The following ITGA6 variants were observed in gnomAD, a reference collection of about 807,000 sequenced individuals.
The protein encoded by ITGA6 is integrin alpha-6.
ITGA6 carries 63 observed loss-of-function variants against 133.6 expected under a neutral mutation model. That is an observed-to-expected ratio of 0.47 (90% CI 0.38 to 0.58). The LOEUF is 0.58. ITGA6 is among the 20% of genes least tolerant of loss of function. The probability of loss-of-function intolerance (pLI) is 0.00; values close to 1 mark genes in which losing one functional copy is unlikely to be tolerated. For synonymous variants in ITGA6, 434 were observed against 482.0 expected, an observed-to-expected ratio of 0.90 and a Z score of 1.30; for missense variants, 1,068 against 1,309.4, an observed-to-expected ratio of 0.82 and a Z score of 2.85.
At chr2:172,481,860 A>G (rs771352355) in intron 11 of ITGA6, among the ~76,000 whole-genome samples, 10 of 152,210 alleles carry the variant, frequency 6.6e-5, no homozygotes, top group Non-Finnish European at 1.5e-4. Flanking sequence ...AGGATCTATC[A>G]TCCTTTCAGT....
Position 172,487,137 on chromosome 2 carries a change from A to G in ITGA6, c.1969A>G (p.Ile657Val), listed in dbSNP as rs368015396. 64 of 1,581,882 alleles carry G rather than the reference A, an allele frequency of 4.0e-5. No homozygotes were observed. Among genetic ancestry groups the G allele is most frequent in the Non-Finnish European group, 5.0e-5 (58 of 1,150,880 alleles). Residue 657 changes from isoleucine (I) to valine (V), a missense_variant and splice_region_variant, in exon 14 of 26, where the codon ATT becomes GTT. Ile to Val is a conservative substitution (Grantham distance 29, BLOSUM62 3). Around this residue, in one of 3 missense-constraint regions of ITGA6, gnomAD observed 609 missense variants for 707.2 expected, o/e 0.86. Transcript: ENST00000684293. ...GNQDKFSYLP[I>V]QKGVPELVLK... ...TCAAGACAAATTTTCTTATTTACCAATGTAAGAATCGTTGTGTAGCACTAG... is the reference window on the plus strand; with the variant it reads ...TCAAGACAAATTTTCTTATTTACCAGTGTAAGAATCGTTGTGTAGCACTAG...
chr2:172,504,302 A>T lies in ITGA6; in HGVS notation c.*234A>T. 7.2e-7 allele frequency: 1 copy of T among 1,387,122 alleles called. No individual in the cohort carries two copies. Among genetic ancestry groups the T allele is most frequent in the Non-Finnish European group, 9.7e-7 (1 of 1,025,952 alleles). 85.9% of individuals were successfully genotyped at this position (1,387,122 alleles called of 1,614,324 possible). A position where few individuals can be genotyped will look rare whatever the true frequency, so the allele number is the denominator to read the frequency against. ...CACAGTACCCAAACTGCTTTTTCCA[A>T]CTCAGAAATTCAATTTGGATTTAAA... On this transcript the variant is annotated 3_prime_UTR_variant, in exon 26 of 26. Coordinates refer to ENST00000684293, the MANE Select transcript of ITGA6 (RefSeq NM_000210.4).
intron 1 of ITGA6, among the ~76,000 whole-genome samples, chr2:172,452,914 G>A (rs1033831357): frequency 3.9e-5 from 6 of 152,208 alleles, no homozygotes; most frequent in Admixed American, 2.0e-4. Context: ...TTGATTTTGA[G>A]AGCCCTCTTT....
chr2:172,456,829 T>G (rs1330982160), intron 1 of ITGA6, among the ~76,000 whole-genome samples: 1 of 152,242 alleles, frequency 6.6e-6, no homozygotes, highest in Non-Finnish European at 1.5e-5. Context: ...TCCTTGTATT[T>G]GAACATTACA....
At chr2:172,484,638 G>A (rs1686587006) in intron 11 of ITGA6, 144 bp from the exon 12 acceptor site, 1 of 717,534 alleles carries the variant, frequency 1.4e-6, no homozygotes, top group Non-Finnish European at 2.4e-6. Context: ...TCACAATTGT[G>A]CAAATGCATA....
rs1687515983 is a variant in ITGA6, at chr2:172,505,380, T to C, written c.*1312T>C. ...GATCCAAACTGATCCAGTATAAGAC[T>C]ACTGAATCTGCTACCAAAACAGTTA... On this transcript the variant is annotated 3_prime_UTR_variant, in exon 26 of 26. Coordinates refer to ENST00000684293, the MANE Select transcript of ITGA6 (RefSeq NM_000210.4). The C allele has an allele frequency of 6.6e-6, 1 of 152,212 alleles. No individual in the cohort carries two copies. The highest frequency in any genetic ancestry group is 1.5e-5 in the Non-Finnish European group (1 of 68,024). The allele number at this position is 152,212 out of a possible 1,614,324, so 9.4% of individuals were successfully genotyped here.
At chr2:172,437,395 G>T (rs1473797441) in intron 1 of ITGA6, among the ~76,000 whole-genome samples, 9 of 152,216 alleles carry the variant, frequency 5.9e-5, no homozygotes, top group Non-Finnish European at 1.2e-4. Flanking sequence ...GATATGTCTT[G>T]AAAGTAGAGT....
intron 25 of ITGA6, 184 bp from the exon 26 acceptor site, chr2:172,503,907 C>T (rs544664270): frequency 1.1e-4 from 44 of 408,828 alleles, no homozygotes; most frequent in South Asian, 1.0e-3. Flanking sequence ...TGTTCTCTTC[C>T]GTTGATCCCC....
At chr2:172,473,128 A>G (rs907429433) in intron 5 of ITGA6, among the ~76,000 whole-genome samples, 3 of 152,314 alleles carry the variant, frequency 2.0e-5, no homozygotes, top group Admixed American at 1.3e-4. Flanking sequence ...GAGAACTGCA[A>G]CGGTAGTGGT....
At chr2:172,498,725 T>A (rs1268320862) in intron 24 of ITGA6, among the ~76,000 whole-genome samples, 5 of 152,214 alleles carry the variant, frequency 3.3e-5, no homozygotes, top group Non-Finnish European at 7.3e-5. Context: ...AAAAACTGCG[T>A]ATGAGATGGA....
chr2:172,474,402 T>G, intron 6 of ITGA6, 137 bp downstream of exon 6: 1 of 760,432 alleles, frequency 1.3e-6, no homozygotes, highest in Non-Finnish European at 2.3e-6. Flanking sequence ...CCAGCCTATC[T>G]TTATCATTTC....
Position 172,469,282 on chromosome 2 carries a change from A to G in ITGA6, c.545A>G (p.His182Arg), listed in dbSNP as rs1559136084. ...WSFCDGRLRG[H>R]EKFGSCQQGV... ...TTTTGTGATGGGCGATTGAGAGGCCATGAGAAATTTGGCTCTTGCCAGCAA... is the reference window on the plus strand; with the variant it reads ...TTTTGTGATGGGCGATTGAGAGGCCGTGAGAAATTTGGCTCTTGCCAGCAA... Residue 182 changes from histidine to arginine, a missense_variant, in exon 4 of 26, where the codon CAT becomes CGT. By Grantham distance (29) the His-to-Arg change is conservative (BLOSUM62 0). This residue lies in a region of ITGA6 where 317 missense variants were observed against 456.9 expected (regional missense o/e 0.69). Coordinates refer to ENST00000684293, the MANE Select transcript of ITGA6 (RefSeq NM_000210.4). The G allele has an allele frequency of 6.2e-7, 1 of 1,614,100 alleles. No homozygotes were observed. The highest frequency in any genetic ancestry group is 1.3e-5 in the African/African-American group (1 of 74,922).
At chr2:172,447,360 A>G (rs1684810814) in intron 1 of ITGA6, among the ~76,000 whole-genome samples, 1 of 152,034 alleles carries the variant, frequency 6.6e-6, no homozygotes, top group Admixed American at 6.6e-5. Context: ...GTCCACCACT[A>G]TGCCCAGCTA....
At chr2:172,497,724 C>A (rs898038813) in intron 23 of ITGA6, among the ~76,000 whole-genome samples, 2 of 152,060 alleles carry the variant, frequency 1.3e-5, no homozygotes, top group African/African-American at 4.8e-5. Flanking sequence ...TTTTAAGATA[C>A]ATTAACAAAG....
intron 20 of ITGA6, among the ~76,000 whole-genome samples, chr2:172,490,353 A>T (rs1017788847): frequency 6.6e-6 from 1 of 152,328 alleles, no homozygotes; most frequent in South Asian, 2.1e-4. Flanking sequence ...CCATGCTTAG[A>T]TAACTGGCCT....
intron 5 of ITGA6, among the ~76,000 whole-genome samples, chr2:172,471,436 A>G (rs1293596796): frequency 6.6e-6 from 1 of 152,192 alleles, no homozygotes; most frequent in African/African-American, 2.4e-5. Flanking sequence ...CAGCCATGAA[A>G]ACATGCATGG....
At chr2:172,496,679 A>G (rs2149093044) in intron 23 of ITGA6, among the ~76,000 whole-genome samples, 1 of 152,324 alleles carries the variant, frequency 6.6e-6, no homozygotes, top group East Asian at 1.9e-4. Flanking sequence ...CTTAACTCAG[A>G]AATATCAGAA....
At chr2:172,435,568 C>A (rs1381420493) in intron 1 of ITGA6, among the ~76,000 whole-genome samples, 1 of 149,272 alleles carries the variant, frequency 6.7e-6, no homozygotes, top group Non-Finnish European at 1.5e-5. Context: ...GTTGATTGGA[C>A]CTAAGGAATC....
chr2:172,454,954 G>A (rs1185673682), intron 1 of ITGA6, among the ~76,000 whole-genome samples: 1 of 152,056 alleles, frequency 6.6e-6, no homozygotes, highest in Non-Finnish European at 1.5e-5. Flanking sequence ...CACGAGTTGT[G>A]CTGCATAACA....
Sources: gnomAD v4.1 joint callset for allele counts (sites outside exome capture counted in the v4.1 genomes callset) on GRCh38, gnomAD v4.1.1 for gene constraint, gnomAD v4.1.1 regional missense constraint, MANE v1.5 for transcripts, NCBI Gene and HGNC (gene_info 2026-07-23, HGNC 2026-07-21) for gene names.